The following AFAP1 variants were observed in gnomAD, a reference collection of about 807,000 sequenced individuals.
AFAP1 encodes the protein actin filament-associated protein 1.
In AFAP1, 75 loss-of-function variants were observed where a neutral mutation model predicts 93.9. That is an observed-to-expected ratio of 0.80 (90% CI 0.66 to 0.97). The LOEUF is 0.97. Ranked by LOEUF, AFAP1 falls within the 50% of genes least tolerant of loss-of-function variation. The pLI is 0.00. For missense variants in AFAP1, 1,201 were observed against 1,050.8 expected (o/e 1.14, Z -1.98); for synonymous variants, 517 against 430.7 (o/e 1.20, Z -2.48).
chr4:7,854,744 T>C (rs567635946), intron 4 of AFAP1, among the ~76,000 whole-genome samples: 1 of 152,312 alleles, frequency 6.6e-6, no homozygotes, highest in Admixed American at 6.5e-5. Context: ...GCAAGCTGGA[T>C]TCCATTAGTT....
intron 1 of AFAP1, among the ~76,000 whole-genome samples, chr4:7,901,111 T>G (rs1878325): frequency 6.6e-6 from 1 of 152,050 alleles, no homozygotes; most frequent in Non-Finnish European, 1.5e-5. Context: ...GAATGCAGTT[T>G]GGGACCTACC....
At chr4:7,823,278 G>A (rs1373018672) in intron 6 of AFAP1, among the ~76,000 whole-genome samples, 5 of 151,598 alleles carry the variant, frequency 3.3e-5, no homozygotes, top group Non-Finnish European at 7.4e-5. Flanking sequence ...GAGGGAATGA[G>A]GAAAGAAACT....
intron 17 of AFAP1, 100 bp downstream of exon 17, chr4:7,768,744 C>G (rs1714973567): frequency 3.7e-6 from 5 of 1,360,648 alleles, no homozygotes; most frequent in Non-Finnish European, 1.9e-6. Context: ...CAAGTGGATG[C>G]AGTAGGAAGA....
chr4:7,921,688 A>G (rs1720449546), intron 1 of AFAP1, among the ~76,000 whole-genome samples: 1 of 152,246 alleles, frequency 6.6e-6, no homozygotes, highest in Non-Finnish European at 1.5e-5. Context: ...AATGCATCCT[A>G]TGCACATATT....
At chr4:7,925,192 C>T (rs1292197906) in intron 1 of AFAP1, among the ~76,000 whole-genome samples, 3 of 152,150 alleles carry the variant, frequency 2.0e-5, no homozygotes, top group African/African-American at 7.2e-5. Flanking sequence ...AAATGAGGGG[C>T]TTCTCTCTGT....
intron 4 of AFAP1, among the ~76,000 whole-genome samples, chr4:7,845,288 AG>A (rs1713551744): frequency 6.6e-6 from 1 of 151,930 alleles, no homozygotes; most frequent in South Asian, 2.1e-4. Flanking sequence ...CAGGCATGGT[AG>A]GGCACGCCTG....
intron 1 of AFAP1, among the ~76,000 whole-genome samples, chr4:7,917,085 A>T (rs1007420418): frequency 2.0e-5 from 3 of 152,198 alleles, no homozygotes; most frequent in Non-Finnish European, 4.4e-5. Context: ...CATTTGCAAA[A>T]TGTTAACAAT....
chr4:7,889,690 G>GT (rs377063737), intron 1 of AFAP1, among the ~76,000 whole-genome samples: 5,290 of 107,164 alleles, frequency 0.049, 158 homozygotes, highest in African/African-American at 0.09. Flanking sequence ...TCAATGAAGC[G>GT]TTTTTTTTTT....
At chr4:7,845,885 G>C (rs368534617) in intron 4 of AFAP1, among the ~76,000 whole-genome samples, 40 of 59,338 alleles carry the variant, frequency 6.7e-4, no homozygotes, top group Admixed American at 5.7e-3. Context: ...CACAGGGGTG[G>C]GGGGGGCAAG....
chr4:7,763,045 CCTCTGAAAACTCCTTGAT>C lies in AFAP1; in HGVS notation c.*702_*719del, dbSNP rs1441389612. 6.6e-6 allele frequency: 1 copy of C among 152,306 alleles called. No individual in the cohort carries two copies. Among genetic ancestry groups the C allele is most frequent in the Admixed American group, 6.5e-5 (1 of 15,276 alleles). The allele number at this position is 152,306 out of a possible 1,614,324, so 9.4% of individuals were successfully genotyped here. A position where few individuals can be genotyped will look rare whatever the true frequency, so the allele number is the denominator to read the frequency against. On this transcript the variant is annotated 3_prime_UTR_variant, in exon 18 of 18. Coordinates refer to ENST00000420658, the MANE Select transcript of AFAP1 (RefSeq NM_001134647.2). ...AATAATTAATTAATAAAATAAGGAA[CCTCTGAAAACTCCTTGAT>C]CTAAGTGTGACACACAGTAAAAAGA...
chr4:7,871,060 G>A (rs754387364), intron 2 of AFAP1, among the ~76,000 whole-genome samples: 26 of 152,034 alleles, frequency 1.7e-4, no homozygotes, highest in Admixed American at 2.0e-4. Flanking sequence ...CCACCACCCC[G>A]GTCTCTCACT....
chr4:7,793,609 C>T (rs769022579), intron 11 of AFAP1, 72 bp downstream of exon 11: 44 of 1,367,262 alleles, frequency 3.2e-5, no homozygotes, highest in Non-Finnish European at 4.2e-5. Context: ...CACACAAAAA[C>T]TAAGTTAAGC....
rs183328256 is a variant in AFAP1 at position 7,842,148 on chromosome 4, T to A, written c.546+991A>T. Among the ~76,000 whole-genome samples the A allele has an allele frequency of 5.9e-5, 9 of 152,168 alleles. No homozygotes were observed. The East Asian group carries it at 1.7e-3, about 29-fold the overall frequency. ...CCCCATGGCATCATTTTTGGCACAT[T>A]CTAAATCTGGGAGAAATTCAGGCCA... On this transcript the variant is annotated intron_variant, in intron 5 of 17. Coordinates refer to ENST00000420658, the MANE Select transcript of AFAP1 (RefSeq NM_001134647.2).
intron 1 of AFAP1, among the ~76,000 whole-genome samples, chr4:7,901,996 C>T (rs1400357517): frequency 6.6e-6 from 1 of 152,138 alleles, no homozygotes; most frequent in Admixed American, 6.5e-5. Context: ...GCTTAATTTG[C>T]TTATATAATT....
At chr4:7,797,910 G>A (rs746497965) in intron 10 of AFAP1, among the ~76,000 whole-genome samples, 1 of 152,336 alleles carries the variant, frequency 6.6e-6, no homozygotes, top group East Asian at 1.9e-4. Flanking sequence ...GAGTACACAC[G>A]CAGGGCTGTG....
At chr4:7,869,591 C>T (rs190077800) in intron 2 of AFAP1, among the ~76,000 whole-genome samples, 70 of 152,252 alleles carry the variant, frequency 4.6e-4, no homozygotes, top group Non-Finnish European at 7.9e-4. Flanking sequence ...GAACACGATA[C>T]CAGTGCAGGC....
chr4:7,814,552 G>A (rs573858839), intron 8 of AFAP1, among the ~76,000 whole-genome samples: 5 of 152,278 alleles, frequency 3.3e-5, no homozygotes, highest in South Asian at 2.1e-4. Flanking sequence ...GGCTGACTAC[G>A]GTCCATCCAC....
intron 1 of AFAP1, among the ~76,000 whole-genome samples, chr4:7,897,159 C>A (rs1237793252): frequency 1.3e-5 from 2 of 152,158 alleles, no homozygotes; most frequent in African/African-American, 4.8e-5. Context: ...TTTGGGTAGG[C>A]TGAGCTCAAT....
chr4:7,804,468 G>C (rs1719324420), intron 9 of AFAP1, among the ~76,000 whole-genome samples: 1 of 33,804 alleles, frequency 3.0e-5, no homozygotes, highest in Admixed American at 4.4e-4. Context: ...CAACACTGTG[G>C]CAAGAGGATC....
Sources: allele counts gnomAD v4.1 joint callset (sites outside exome capture counted in the v4.1 genomes callset), GRCh38; gene constraint gnomAD v4.1.1; transcripts MANE v1.5; gene names NCBI Gene and HGNC (gene_info 2026-07-23, HGNC 2026-07-21).